Variants in CREB5 observed in about 807,000 individuals in gnomAD.
The protein encoded by CREB5 is cyclic AMP-responsive element-binding protein 5.
A neutral mutation model predicts 57.1 loss-of-function variants in CREB5; 19 were observed. The observed-to-expected ratio is 0.33, with a 90% CI of 0.23 to 0.49. The LOEUF is 0.49. Ranked by LOEUF, CREB5 falls within the 20% of genes least tolerant of loss-of-function variation. The probability of loss-of-function intolerance (pLI) is 0.99; values close to 1 mark genes in which losing one functional copy is unlikely to be tolerated. For missense variants in CREB5, 579 were observed against 671.6 expected, an observed-to-expected ratio of 0.86 and a Z score of 1.52; for synonymous variants, 238 against 238.3, an observed-to-expected ratio of 1.00 and a Z score of 0.01.
At chr7:28,525,962 TTC>T (rs1210620890) in intron 4 of CREB5, among the ~76,000 whole-genome samples, 18 of 152,196 alleles carry the variant, frequency 1.2e-4, no homozygotes, top group African/African-American at 4.1e-4. Flanking sequence ...ATAATTCTAA[TTC>T]TCTTTCCCTT....
rs1324664984 is a variant in CREB5, at chr7:28,581,403, G to A, written c.464+10866G>A. On this transcript the variant is annotated intron_variant, in intron 5 of 10. Transcript: ENST00000357727. ...TGCGCCTGGTGAAAAGGCTCACCAA[G>A]CCATTAAAGAGAAAAGAGTATGACA... Among the ~76,000 whole-genome samples the A allele has an allele frequency of 3.3e-5, 5 of 152,310 alleles. No individual in the cohort carries two copies. The South Asian group carries it at 8.3e-4, about 25-fold the overall frequency.
intron 4 of CREB5, among the ~76,000 whole-genome samples, chr7:28,558,909 C>T (rs1794974314): frequency 6.6e-6 from 1 of 152,110 alleles, no homozygotes; most frequent in Non-Finnish European, 1.5e-5. Flanking sequence ...AAGGGAGAGA[C>T]ATTTGTTTAG....
chr7:28,544,646 C>T (rs987412293), intron 4 of CREB5, among the ~76,000 whole-genome samples: 43 of 152,096 alleles, frequency 2.8e-4, no homozygotes, highest in Non-Finnish European at 1.0e-4. Flanking sequence ...CTAAGATAAA[C>T]AGTACAATCT....
chr7:28,490,019 A>T (rs1791729033), intron 2 of CREB5, among the ~76,000 whole-genome samples: 1 of 152,240 alleles, frequency 6.6e-6, no homozygotes, highest in Non-Finnish European at 1.5e-5. Context: ...TTTGAAGAGA[A>T]GTCTTGATAG....
rs978210990 is a variant in CREB5, at chr7:28,821,007, C to T, written c.*1728C>T. ...CACAGTCGTGCCTCCTTGAAACAAG[C>T]CATTCTACTGTGCTAATGTTTTAAT... is the stretch of plus-strand genomic sequence containing the variant. On this transcript the variant is annotated 3_prime_UTR_variant, in exon 11 of 11. Coordinates refer to ENST00000357727, the MANE Select transcript of CREB5 (RefSeq NM_182898.4). 2.0e-5 allele frequency: 3 copies of T among 152,652 alleles called. No homozygotes were observed. In the Middle Eastern group the frequency reaches 0.01, roughly 519 times the overall value. 9.5% of individuals were successfully genotyped at this position (152,652 alleles called of 1,614,324 possible). A position where few individuals can be genotyped will look rare whatever the true frequency, so the allele number is the denominator to read the frequency against.
At chr7:28,417,168 G>A (rs1437628385) in intron 1 of CREB5, among the ~76,000 whole-genome samples, 1 of 152,056 alleles carries the variant, frequency 6.6e-6, no homozygotes, top group East Asian at 1.9e-4. Context: ...AGTGAGAGCT[G>A]CAAATGTGAG....
At chr7:28,434,097 C>A (rs935657681) in intron 1 of CREB5, among the ~76,000 whole-genome samples, 1 of 151,984 alleles carries the variant, frequency 6.6e-6, no homozygotes, top group African/African-American at 2.4e-5. Flanking sequence ...CTTCCTGATT[C>A]CGGCTCAGAG....
chr7:28,532,119 A>G (rs1248441111), intron 4 of CREB5, among the ~76,000 whole-genome samples: 2 of 152,186 alleles, frequency 1.3e-5, no homozygotes, highest in Non-Finnish European at 2.9e-5. Context: ...AGGGTTCTGT[A>G]GGGGTTGGGG....
At chr7:28,429,399 T>A (rs1040940186) in intron 1 of CREB5, among the ~76,000 whole-genome samples, 2 of 152,224 alleles carry the variant, frequency 1.3e-5, no homozygotes, top group Admixed American at 6.5e-5. Context: ...ATTTTGTTCA[T>A]CACCATTTTC....
chr7:28,781,938 T>G (rs34382884), intron 7 of CREB5, among the ~76,000 whole-genome samples: 40,989 of 151,198 alleles, frequency 0.27, 6,284 homozygotes, highest in South Asian at 0.41. Flanking sequence ...AATGTGTGTT[T>G]TTTTTTTTTT....
chr7:28,470,271 A>G (rs533701415), intron 1 of CREB5, among the ~76,000 whole-genome samples: 5 of 152,116 alleles, frequency 3.3e-5, no homozygotes, highest in African/African-American at 9.6e-5. Context: ...CTCTATCTCC[A>G]TGGGTTTAAT....
intron 1 of CREB5, among the ~76,000 whole-genome samples, chr7:28,469,430 G>A (rs1790721353): frequency 6.6e-6 from 1 of 152,114 alleles, no homozygotes; most frequent in African/African-American, 2.4e-5. Flanking sequence ...GGGTAGTCCT[G>A]AAATTATAGC....
intron 3 of CREB5, among the ~76,000 whole-genome samples, chr7:28,503,556 T>C (rs1039217963): frequency 2.6e-5 from 4 of 151,986 alleles, no homozygotes; most frequent in African/African-American, 7.3e-5. Flanking sequence ...CCATGATTCA[T>C]AGAGAGGTAA....
chr7:28,379,130 G>A (rs78977240), intron 1 of CREB5, among the ~76,000 whole-genome samples: 21,687 of 152,184 alleles, frequency 0.14, 2,134 homozygotes, highest in Non-Finnish European at 0.21. Flanking sequence ...CTTGATAAAG[G>A]TGTGGTTGAA....
At chr7:28,605,105 A>C (rs1448779381) in intron 5 of CREB5, among the ~76,000 whole-genome samples, 1 of 152,174 alleles carries the variant, frequency 6.6e-6, no homozygotes, top group Non-Finnish European at 1.5e-5. Flanking sequence ...CAAGAGCCTA[A>C]AAATTTTGAT....
intron 1 of CREB5, among the ~76,000 whole-genome samples, chr7:28,309,436 C>G (rs2127981000): frequency 6.6e-6 from 1 of 152,246 alleles, no homozygotes; most frequent in East Asian, 1.9e-4. Flanking sequence ...GGCTTTCTGG[C>G]ACATGCTTCT....
chr7:28,804,138 TCTCTATCATGTACATGACTGACTTC>T (rs1167270162), intron 7 of CREB5, 36 bp from the exon 8 acceptor site: 1 of 1,506,734 alleles, frequency 6.6e-7, no homozygotes, highest in Non-Finnish European at 9.1e-7. Flanking sequence ...TGCTTTTAAA[TCTCTATCATGTACATGACTGACTTC>T]AGTTGTTCTC....
chr7:28,657,378 CT>C (rs1799371846), intron 5 of CREB5, among the ~76,000 whole-genome samples: 1 of 152,178 alleles, frequency 6.6e-6, no homozygotes, highest in African/African-American at 2.4e-5. Context: ...GTTCCCCTTG[CT>C]GTTGCAATTG....
At chr7:28,511,313 C>G (rs1300520977) in intron 4 of CREB5, among the ~76,000 whole-genome samples, 1 of 151,868 alleles carries the variant, frequency 6.6e-6, no homozygotes, top group Non-Finnish European at 1.5e-5. Flanking sequence ...AAGCTGAAAG[C>G]ACATAAGTGC....
Sources: allele counts gnomAD v4.1 joint callset (sites outside exome capture counted in the v4.1 genomes callset), GRCh38; gene constraint gnomAD v4.1.1; transcripts MANE v1.5; gene names NCBI Gene and HGNC (gene_info 2026-07-23, HGNC 2026-07-21).